The following STIM1 variants were observed in gnomAD, a reference collection of about 807,000 sequenced individuals.
STIM1 encodes stromal interaction molecule 1.
In STIM1, 25 loss-of-function variants were observed where a neutral mutation model predicts 74.7. That is an observed-to-expected ratio of 0.33 (90% confidence interval 0.24 to 0.47). The LOEUF is 0.47. Among genes scored for constraint, STIM1 ranks in the 20% least tolerant of loss-of-function variants. The pLI is 1.00. For missense variants in STIM1, 728 were observed against 920.8 expected, an observed-to-expected ratio of 0.79 and a Z score of 2.71; for synonymous variants, 328 against 348.8, an observed-to-expected ratio of 0.94 and a Z score of 0.66.
intron 2 of STIM1, chr11:3,972,905 C>T (rs2093410327): frequency 2.0e-6 from 1 of 495,394 alleles, no homozygotes. Flanking sequence ...CCAAAGTTTC[C>T]TCCTTTCGTG....
intron 1 of STIM1, among the ~76,000 whole-genome samples, chr11:3,877,492 A>G (rs1421902106): frequency 6.6e-6 from 1 of 152,152 alleles, no homozygotes; most frequent in Non-Finnish European, 1.5e-5. Context: ...CCAGCCGTCA[A>G]TCCCCTATCC....
chr11:3,931,809 G>C (rs1590576789), intron 1 of STIM1, among the ~76,000 whole-genome samples: 1 of 152,160 alleles, frequency 6.6e-6, no homozygotes. Context: ...TTCCAAGCTA[G>C]GGAATCTGGG....
Position 3,918,537 on chromosome 11 carries a change from AAAAAAAAG to A in STIM1, c.140-49011_140-49004del, listed in dbSNP as rs898802194. Among the ~76,000 whole-genome samples, 13 of 121,934 alleles carry A rather than the reference AAAAAAAAG, an allele frequency of 1.1e-4. No individual in the cohort carries two copies. In the Admixed American group the frequency reaches 1.1e-3, roughly 11 times the overall value. 80.0% of individuals were successfully genotyped at this position (121,934 alleles called of 152,430 possible). A position where few individuals can be genotyped will look rare whatever the true frequency, so the allele number is the denominator to read the frequency against. On this transcript the variant is annotated intron_variant, in intron 1 of 12. Coordinates refer to ENST00000526596, the MANE Select transcript of STIM1 (RefSeq NM_001382567.1). ...GGAGACAGTCAGACACTGTCTCAAA[AAAAAAAAG>A]AAAGAAAGAAAGAAAGAAAGAAAGA...
rs1306954891 is a variant in STIM1, at chr11:3,928,468, C to G, written c.140-39084C>G. 5.9e-5 allele frequency among the ~76,000 whole-genome samples: 9 copies of G among 152,268 alleles called. No homozygotes were observed. In the East Asian group the frequency reaches 1.5e-3, roughly 26 times the overall value. ...TCTTGAACTCCTGACCTCAGGTGAT[C>G]CACCCACCTCGGCCTCCCAAAGTGC... On this transcript the variant is annotated intron_variant, in intron 1 of 12. Transcript: ENST00000526596.
At chr11:3,878,873 G>T (rs2091394926) in intron 1 of STIM1, among the ~76,000 whole-genome samples, 2 of 152,186 alleles carry the variant, frequency 1.3e-5, no homozygotes, top group South Asian at 4.1e-4. Context: ...CGACAGTTTG[G>T]CCTTATCGTG....
At chr11:3,902,946 C>G (rs1243914401) in intron 1 of STIM1, among the ~76,000 whole-genome samples, 2 of 152,150 alleles carry the variant, frequency 1.3e-5, no homozygotes, top group African/African-American at 4.8e-5. Flanking sequence ...CATTTCATAT[C>G]TCAGGCTATG....
At chr11:4,084,240 A>G (rs534056245) in intron 10 of STIM1, among the ~76,000 whole-genome samples, 2 of 152,350 alleles carry the variant, frequency 1.3e-5, no homozygotes, top group Admixed American at 1.3e-4. Context: ...TTAAGTAAGT[A>G]GAATAGCCCT....
chr11:3,940,078 T>G (rs2092986537), intron 1 of STIM1, among the ~76,000 whole-genome samples: 1 of 152,236 alleles, frequency 6.6e-6, no homozygotes, highest in Admixed American at 6.5e-5. Context: ...TTAAGAGACC[T>G]TTTTCCTTAA....
intron 1 of STIM1, chr11:3,892,346 C>A: frequency 8.7e-7 from 1 of 1,155,576 alleles, no homozygotes; most frequent in Non-Finnish European, 1.3e-6. Context: ...TCCTGACCTA[C>A]AGAAGGAATG....
chr11:3,999,004 A>T (rs2093687366), intron 2 of STIM1, among the ~76,000 whole-genome samples: 1 of 152,220 alleles, frequency 6.6e-6, no homozygotes, highest in South Asian at 2.1e-4. Context: ...GAAAGCAGCC[A>T]CAGAAAATAT....
Position 4,023,902 on chromosome 11 carries a change from C to T in STIM1, c.300C>T (p.Asp100=), listed in dbSNP as rs200658405. 3.0e-5 allele frequency: 48 copies of T among 1,613,888 alleles called. No homozygotes were observed. Among genetic ancestry groups the T allele is most frequent in the Non-Finnish European group, 3.8e-5 (45 of 1,179,968 alleles). The change falls in exon 3 of 13, where the codon GAC becomes GAT. Residue 100 remains aspartate (D), a synonymous_variant. Coordinates refer to ENST00000526596, the MANE Select transcript of STIM1 (RefSeq NM_001382567.1). ...TGAGGGAAGACCTCAATTACCATGA[C>T]CCAACAGTGAAACACAGCACCTTCC... is the stretch of plus-strand genomic sequence containing the variant. ...EFLREDLNYH[D]PTVKHSTFHG...
chr11:3,877,844 T>A (rs1355119181), intron 1 of STIM1, among the ~76,000 whole-genome samples: 1 of 152,186 alleles, frequency 6.6e-6, no homozygotes, highest in African/African-American at 2.4e-5. Context: ...TATCCTATCA[T>A]TCTAAAGCAC....
At chr11:3,929,820 C>G (rs77323635) in intron 1 of STIM1, among the ~76,000 whole-genome samples, 1 of 152,172 alleles carries the variant, frequency 6.6e-6, no homozygotes, top group African/African-American at 2.4e-5. Context: ...TTGCATGTCT[C>G]GGGCCACAGG....
At chr11:3,901,554 A>G (rs144112536) in intron 1 of STIM1, among the ~76,000 whole-genome samples, 104 of 152,290 alleles carry the variant, frequency 6.8e-4, no homozygotes, top group East Asian at 3.9e-4. Flanking sequence ...ATGACAGCTT[A>G]TGTGTCAGAA....
At chr11:3,881,924 A>G (rs1168962192) in intron 1 of STIM1, among the ~76,000 whole-genome samples, 3 of 151,630 alleles carry the variant, frequency 2.0e-5, no homozygotes, top group Non-Finnish European at 2.9e-5. Flanking sequence ...CACCTGCCTT[A>G]GCCTCCCAAA....
At chr11:3,973,927 C>T (rs900089905) in intron 2 of STIM1, 4 of 503,640 alleles carry the variant, frequency 7.9e-6, no homozygotes, top group Non-Finnish European at 1.4e-5. Flanking sequence ...TTTTAAAGCC[C>T]CCAACAAATA....
chr11:3,862,820 TG>T (rs1248872895), intron 1 of STIM1, among the ~76,000 whole-genome samples: 1 of 152,034 alleles, frequency 6.6e-6, no homozygotes, highest in East Asian at 1.9e-4. Flanking sequence ...AGTATATATG[TG>T]TGTATAAGAT....
At chr11:3,908,837 C>T (rs2092512969) in intron 1 of STIM1, among the ~76,000 whole-genome samples, 1 of 152,142 alleles carries the variant, frequency 6.6e-6, no homozygotes, top group African/African-American at 2.4e-5. Context: ...CTCATTCACT[C>T]ACTTGGGAGC....
chr11:3,971,416 C>G (rs1342026066), intron 2 of STIM1, among the ~76,000 whole-genome samples: 1 of 152,090 alleles, frequency 6.6e-6, no homozygotes, highest in Non-Finnish European at 1.5e-5. Flanking sequence ...GTAGTCCTAG[C>G]TACTCTGGAG....
Sources: allele counts gnomAD v4.1 joint callset (sites outside exome capture counted in the v4.1 genomes callset), GRCh38; gene constraint gnomAD v4.1.1; transcripts MANE v1.5; gene names NCBI Gene and HGNC (gene_info 2026-07-23, HGNC 2026-07-21).